The following PCBP3 variants were observed in gnomAD, a reference collection of about 807,000 sequenced individuals.
The protein encoded by PCBP3 is poly(rC)-binding protein 3.
A neutral mutation model predicts 52.7 loss-of-function variants in PCBP3; 25 were observed. That is an observed-to-expected ratio of 0.47 (90% CI 0.35 to 0.66). PCBP3 has a LOEUF of 0.66. Ranked by LOEUF, PCBP3 falls within the 30% of genes least tolerant of loss-of-function variation. The pLI is 0.01. For missense variants in PCBP3, 391 were observed against 490.3 expected, an observed-to-expected ratio of 0.80 and a Z score of 1.91; for synonymous variants, 162 against 183.0, an observed-to-expected ratio of 0.89 and a Z score of 0.93.
In PCBP3 at chr21:45,736,569, G is replaced by A. The variant is rs1421038951; in HGVS notation, c.-162+1140G>A. On this transcript the variant is annotated intron_variant, in intron 3 of 17. Coordinates refer to ENST00000681687, the MANE Select transcript of PCBP3 (RefSeq NM_001384156.1). The surrounding 1 kb of genome is among the most constrained non-coding windows in gnomAD (Gnocchi z 4.6). ...GGGGAGTTGGCAGGGGGAGGCCCTC[G>A]GAGAGATGGCATGGGGAGTTGGCAG... Among the ~76,000 whole-genome samples the A allele has an allele frequency of 5.3e-5, 8 of 151,976 alleles. No homozygotes were observed. The highest frequency in any genetic ancestry group is 2.0e-4 in the Admixed American group (3 of 15,264).
At chr21:45,835,465 T>TCAGCTCCC (rs2093562258) in intron 4 of PCBP3, among the ~76,000 whole-genome samples, 1 of 152,148 alleles carries the variant, frequency 6.6e-6, no homozygotes, top group African/African-American at 2.4e-5. Context: ...CGTCAGCTCC[T>TCAGCTCCC]GGCCGCAGCC....
At chr21:45,865,774 C>T (rs567953679) in intron 5 of PCBP3, among the ~76,000 whole-genome samples, 4 of 152,324 alleles carry the variant, frequency 2.6e-5, no homozygotes, top group East Asian at 3.9e-4. Context: ...GCTCGGAAAG[C>T]GGGGACTGGT....
chr21:45,845,469 GTGTA>G (rs1274939929), intron 4 of PCBP3, among the ~76,000 whole-genome samples: 6 of 150,982 alleles, frequency 4.0e-5, no homozygotes, highest in South Asian at 4.2e-4. Flanking sequence ...GCCTTCACCT[GTGTA>G]TGTGTGTGTG....
chr21:45,770,837 A>G (rs1254255984), intron 4 of PCBP3, among the ~76,000 whole-genome samples: 1 of 152,222 alleles, frequency 6.6e-6, no homozygotes, highest in Non-Finnish European at 1.5e-5. Flanking sequence ...ATGTATCCCC[A>G]GCATCTCCCT....
chr21:45,823,212 T>G lies in PCBP3; in HGVS notation c.-125-26749T>G, dbSNP rs1040532913. ...TGTGAAATGACCTCTGCAGTCCCCA[T>G]GACCCCTCAGGTCAGTCACCTCTGT... On this transcript the variant is annotated intron_variant, in intron 4 of 17. Coordinates refer to ENST00000681687, the MANE Select transcript of PCBP3 (RefSeq NM_001384156.1). Among the ~76,000 whole-genome samples, 5 of 152,224 alleles carry G rather than the reference T, an allele frequency of 3.3e-5. 1 individual carries two copies. In the South Asian group the frequency reaches 1.0e-3, roughly 31 times the overall value.
intron 2 of PCBP3, among the ~76,000 whole-genome samples, chr21:45,676,544 G>T (rs2081479397): frequency 6.6e-6 from 1 of 151,870 alleles, no homozygotes; most frequent in Non-Finnish European, 1.5e-5. Context: ...TGTGGTCAGC[G>T]ATCTTTGTTA....
chr21:45,789,679 G>A (rs1207689832), intron 4 of PCBP3, among the ~76,000 whole-genome samples: 3 of 152,200 alleles, frequency 2.0e-5, no homozygotes, highest in Admixed American at 1.3e-4. Flanking sequence ...GAGGTGAGGA[G>A]CAGGTCATTT....
At chr21:45,851,218 T>A (rs890268105) in intron 5 of PCBP3, among the ~76,000 whole-genome samples, 14 of 152,182 alleles carry the variant, frequency 9.2e-5, no homozygotes, top group Non-Finnish European at 1.6e-4. Flanking sequence ...GATCTTTGGT[T>A]AAAGAAAGTG....
At position 45,880,149 on chromosome 21, in the gene PCBP3, G is replaced by C. The variant is rs375269198; in HGVS notation, c.11-16059G>C. 6.6e-6 allele frequency among the ~76,000 whole-genome samples: 1 copy of C among 152,210 alleles called. No homozygotes were observed. On this transcript the variant is annotated intron_variant, in intron 5 of 17. Coordinates refer to ENST00000681687, the MANE Select transcript of PCBP3 (RefSeq NM_001384156.1). The surrounding 1 kb of genome is among the most constrained non-coding windows in gnomAD (Gnocchi z 5.4). The stretch of plus-strand genomic sequence containing the variant: ...TTTTTATTGACAAGACGTTCCTGTC[G>C]TGAGTGGTTTTCCTCTGGCCTCTTC...
chr21:45,673,196 A>T (rs909871747), intron 2 of PCBP3, among the ~76,000 whole-genome samples: 64 of 152,300 alleles, frequency 4.2e-4, no homozygotes, highest in African/African-American at 1.4e-3. Flanking sequence ...AAAGAAGAAA[A>T]TTTCTGATTA....
intron 16 of PCBP3, 53 bp from the exon 17 acceptor site, chr21:45,939,977 T>G: frequency 6.4e-7 from 1 of 1,550,968 alleles, no homozygotes; most frequent in Non-Finnish European, 8.8e-7. Context: ...CCCACAGTCT[T>G]CAGGGGCTGG....
At chr21:45,809,868 T>A (rs1033305798) in intron 4 of PCBP3, among the ~76,000 whole-genome samples, 2 of 152,142 alleles carry the variant, frequency 1.3e-5, no homozygotes, top group African/African-American at 4.8e-5. Context: ...TGAGAGTGAG[T>A]GGGACCTGCT....
At chr21:45,912,755 C>G (rs1408230503) in intron 11 of PCBP3, among the ~76,000 whole-genome samples, 1 of 152,180 alleles carries the variant, frequency 6.6e-6, no homozygotes, top group Non-Finnish European at 1.5e-5. Flanking sequence ...TGGCCCGAGG[C>G]TGGGCATCTC....
At chr21:45,921,836 C>T (rs571369984) in intron 13 of PCBP3, among the ~76,000 whole-genome samples, 3 of 152,118 alleles carry the variant, frequency 2.0e-5, no homozygotes, top group South Asian at 2.1e-4. Flanking sequence ...AAGGAGTCAT[C>T]GGCACTGATC....
Position 45,692,017 on chromosome 21 carries a change from C to T in PCBP3, c.-200+23065C>T, listed in dbSNP as rs542308812. 3.9e-5 allele frequency among the ~76,000 whole-genome samples: 6 copies of T among 152,260 alleles called. No homozygotes were observed. In the East Asian group the frequency reaches 5.8e-4, roughly 15 times the overall value. Reference sequence around the variant, plus strand: ...GAAGGAAACAGGCCTGCAACAAGTACACAGTCCGTCTTCCCCTCAAGTCAT... The same window carrying T: ...GAAGGAAACAGGCCTGCAACAAGTATACAGTCCGTCTTCCCCTCAAGTCAT... On this transcript the variant is annotated intron_variant, in intron 2 of 17. Coordinates refer to ENST00000681687, the MANE Select transcript of PCBP3 (RefSeq NM_001384156.1).
At chr21:45,775,668 A>G (rs2090199822) in intron 4 of PCBP3, among the ~76,000 whole-genome samples, 1 of 152,124 alleles carries the variant, frequency 6.6e-6, no homozygotes, top group African/African-American at 2.4e-5. Context: ...GTCTTCCCAC[A>G]CTGCAGCTCT....
intron 5 of PCBP3, among the ~76,000 whole-genome samples, chr21:45,891,617 C>T (rs1331096151): frequency 3.3e-4 from 50 of 152,162 alleles, no homozygotes; most frequent in Non-Finnish European, 1.9e-4. Context: ...CCAAGGACTG[C>T]AGGTTCCTGT....
intron 5 of PCBP3, among the ~76,000 whole-genome samples, chr21:45,856,370 C>T (rs2094294792): frequency 6.6e-6 from 1 of 152,184 alleles, no homozygotes; most frequent in African/African-American, 2.4e-5. Flanking sequence ...ACCAAGTACC[C>T]ATCAGAACAT....
chr21:45,694,283 T>C (rs1204771006), intron 2 of PCBP3, among the ~76,000 whole-genome samples: 1 of 152,140 alleles, frequency 6.6e-6, no homozygotes, highest in Non-Finnish European at 1.5e-5. Context: ...CCAATTAAAA[T>C]TCTAAAGGTT....
Sources: gnomAD v4.1 joint callset for allele counts (sites outside exome capture counted in the v4.1 genomes callset) on GRCh38, gnomAD v4.1.1 for gene constraint, Gnocchi (gnomAD v3.1) non-coding constraint, MANE v1.5 for transcripts, NCBI Gene and HGNC (gene_info 2026-07-23, HGNC 2026-07-21) for gene names.